Variants in ABCC5 observed in about 807,000 individuals in gnomAD.
ABCC5 encodes ATP binding cassette subfamily C member 5, also known as ATP-binding cassette sub-family C member 5.
ABCC5 carries 61 observed loss-of-function variants against 160.9 expected under a neutral mutation model. The observed-to-expected ratio is 0.38, with a 90% CI of 0.31 to 0.47. ABCC5 has a LOEUF of 0.47. Among genes scored for constraint, ABCC5 ranks in the 20% least tolerant of loss-of-function variants. The probability of loss-of-function intolerance (pLI) is 0.99; values close to 1 mark genes in which losing one functional copy is unlikely to be tolerated. For synonymous variants in ABCC5, 666 were observed against 700.6 expected, an observed-to-expected ratio of 0.95 and a Z score of 0.78; for missense variants, 1,308 against 1,813.3, an observed-to-expected ratio of 0.72 and a Z score of 5.06.
At chr3:183,930,807 T>G (rs140695429) in intron 26 of ABCC5, among the ~76,000 whole-genome samples, 1 of 152,216 alleles carries the variant, frequency 6.6e-6, no homozygotes, top group African/African-American at 2.4e-5. Context: ...AACTGTGAGA[T>G]AGTACATTTC....
chr3:184,017,847 G>GACAACCGCGCCAGCCGCTCAACC lies in ABCC5; in HGVS notation c.-96_-74dup, dbSNP rs1369231518. 1 of 152,544 alleles carries GACAACCGCGCCAGCCGCTCAACC rather than the reference G, an allele frequency of 6.6e-6. No homozygotes were observed. The highest frequency in any genetic ancestry group is 1.5e-5 in the Non-Finnish European group (1 of 68,296). 9.4% of individuals were successfully genotyped at this position (152,544 alleles called of 1,614,324 possible). A position where few individuals can be genotyped will look rare whatever the true frequency, so the allele number is the denominator to read the frequency against. On this transcript the variant is annotated 5_prime_UTR_variant, in exon 1 of 30. It removes the in-frame stop codon of an upstream open reading frame in the 5' UTR. Coordinates refer to ENST00000334444, the MANE Select transcript of ABCC5 (RefSeq NM_005688.4). This position sits in a 1 kb window ranked among gnomAD's most constrained non-coding sequence, Gnocchi z 4.5. The stretch of plus-strand genomic sequence containing the variant: ...TCACCTACCTGCGCCCCTGCTCCAG[G>GACAACCGCGCCAGCCGCTCAACC]ACAACCGCGCCAGCCGCTCAACCAC...
chr3:183,947,622 TCTAA>T, intron 22 of ABCC5, 112 bp from the exon 23 acceptor site: 1 of 875,212 alleles, frequency 1.1e-6, no homozygotes, highest in East Asian at 2.8e-5. Context: ...ACTTCCTGTT[TCTAA>T]CTGAGAGAAT....
chr3:183,970,358 A>C (rs1717623352), intron 11 of ABCC5, among the ~76,000 whole-genome samples: 1 of 151,870 alleles, frequency 6.6e-6, no homozygotes, highest in Admixed American at 6.6e-5. Flanking sequence ...ACTACTTTTT[A>C]AATAAGGCAT....
intron 16 of ABCC5, among the ~76,000 whole-genome samples, chr3:183,960,616 T>C (rs913700685): frequency 6.6e-6 from 1 of 152,142 alleles, no homozygotes; most frequent in Non-Finnish European, 1.5e-5. Flanking sequence ...CCTAGAACAC[T>C]GTGAGTCCCT....
intron 17 of ABCC5, among the ~76,000 whole-genome samples, chr3:183,957,017 T>C (rs1716098097): frequency 6.7e-6 from 1 of 148,388 alleles, no homozygotes; most frequent in Non-Finnish European, 1.5e-5. Context: ...TGCGGATCCG[T>C]GTGTACATCA....
At chr3:183,927,070 A>G (rs1316563362) in intron 28 of ABCC5, among the ~76,000 whole-genome samples, 1 of 152,114 alleles carries the variant, frequency 6.6e-6, no homozygotes, top group East Asian at 1.9e-4. Context: ...TTCTATGTCT[A>G]TGGTTTGCAG....
Position 183,982,689 on chromosome 3 carries a change from G to A in ABCC5, c.826-65C>T. The stretch of plus-strand genomic sequence containing the variant: ...CACGGTTCATTTGTCTCAGGAGGAA[G>A]ATAAAGGATAAGGCAGGGCCCTAGA... On this transcript the variant is annotated intron_variant, in intron 6 of 29. Coordinates refer to ENST00000334444, the MANE Select transcript of ABCC5 (RefSeq NM_005688.4). This position sits in a 1 kb window ranked among gnomAD's most constrained non-coding sequence, Gnocchi z 5.2. 1 of 1,607,972 alleles carries A rather than the reference G, an allele frequency of 6.2e-7. No individual in the cohort carries two copies. The highest frequency in any genetic ancestry group is 8.5e-7 in the Non-Finnish European group (1 of 1,175,158).
At chr3:183,925,480 G>A (rs895221277) in intron 29 of ABCC5, 75 bp downstream of exon 29, 2 of 1,508,584 alleles carry the variant, frequency 1.3e-6, no homozygotes, top group Non-Finnish European at 1.8e-6. Flanking sequence ...TACAAAGATG[G>A]CAATCAGTCC....
At chr3:184,015,978 C>T (rs1406659304) in intron 1 of ABCC5, among the ~76,000 whole-genome samples, 6 of 152,100 alleles carry the variant, frequency 3.9e-5, no homozygotes, top group African/African-American at 1.4e-4. Context: ...GGGGTTGGGG[C>T]GGTGAGCAGT....
At position 183,983,278 on chromosome 3, in the gene ABCC5, G is replaced by T. The variant is rs116549791; in HGVS notation, c.592-271C>A. On this transcript the variant is annotated intron_variant, in intron 5 of 29. Transcript: ENST00000334444. ...TAATGTAACATAAACCTATCAATGA[G>T]CTGAAATTAACTCTAAACACATGGT... Among the ~76,000 whole-genome samples, 415 of 152,304 alleles carry T rather than the reference G, an allele frequency of 2.7e-3. 4 individuals are homozygous for T. The highest frequency in any genetic ancestry group is 9.2e-3 in the African/African-American group (381 of 41,576).
chr3:183,923,256 G>C (rs1712182818), intron 29 of ABCC5, among the ~76,000 whole-genome samples: 1 of 151,802 alleles, frequency 6.6e-6, no homozygotes, highest in African/African-American at 2.4e-5. Flanking sequence ...CCCTCATAAA[G>C]AGTGAATGGG....
intron 2 of ABCC5, among the ~76,000 whole-genome samples, chr3:183,997,332 A>T (rs1720360689): frequency 6.6e-6 from 1 of 152,226 alleles, no homozygotes; most frequent in African/African-American, 2.4e-5. Context: ...CCACATAGGG[A>T]TGAGAGGAAT....
At chr3:184,008,323 T>C (rs1407920580) in intron 2 of ABCC5, among the ~76,000 whole-genome samples, 5 of 152,274 alleles carry the variant, frequency 3.3e-5, no homozygotes, top group Non-Finnish European at 5.9e-5. Flanking sequence ...CATGTGCATA[T>C]ATAAATAGGA....
Position 183,982,847 on chromosome 3 carries a change from C to G in ABCC5, c.752G>C (p.Arg251Pro), listed in dbSNP as rs767886323. The G allele has an allele frequency of 1.2e-6, 2 of 1,614,066 alleles. No homozygotes were observed. The highest frequency in any genetic ancestry group is 1.3e-5 in the African/African-American group (1 of 74,914). ...ALNYRTGVRL[R>P]GAILTMAFKK... ...AAATGCCATGGTTAGGATGGCCCCC[C>G]GCAAGCGGACACCGGTTCGGTAATT... The change falls in exon 6 of 30, where the codon CGG becomes CCG. Residue 251 changes from arginine to proline, a missense_variant. Around this residue, in one of 3 missense-constraint regions of ABCC5, gnomAD observed 1,142 missense variants for 1,527.1 expected, o/e 0.75. Coordinates refer to ENST00000334444, the MANE Select transcript of ABCC5 (RefSeq NM_005688.4). The surrounding 1 kb of genome is among the most constrained non-coding windows in gnomAD (Gnocchi z 5.2).
At chr3:183,939,305 T>C (rs929965468) in intron 25 of ABCC5, among the ~76,000 whole-genome samples, 1 of 152,140 alleles carries the variant, frequency 6.6e-6, no homozygotes, top group Non-Finnish European at 1.5e-5. Flanking sequence ...AGATGGCGAG[T>C]GCCTGTAATC....
Position 183,979,992 on chromosome 3 carries a change from C to T in ABCC5, c.1148-1341G>A, listed in dbSNP as rs533270961. On this transcript the variant is annotated intron_variant, in intron 8 of 29. Transcript: ENST00000334444. ...CTGGGTTCAAGTGATCCTCCTGCCT[C>T]GGCCTCTTGAGTAGCTAGGATTACA... Among the ~76,000 whole-genome samples the T allele has an allele frequency of 2.6e-5, 4 of 152,220 alleles. No individual in the cohort carries two copies. In the South Asian group the frequency reaches 6.2e-4, roughly 24 times the overall value.
chr3:183,927,536 T>C, intron 27 of ABCC5, 93 bp from the exon 28 acceptor site: 2 of 1,503,990 alleles, frequency 1.3e-6, no homozygotes, highest in South Asian at 2.4e-5. Context: ...CTGAAAGCGA[T>C]GAAAGAACTA....
chr3:183,971,228 C>T (rs991552679), intron 11 of ABCC5, among the ~76,000 whole-genome samples: 10 of 152,292 alleles, frequency 6.6e-5, no homozygotes, highest in Admixed American at 1.3e-4. Context: ...TGCACAAGGG[C>T]GCTCACAGAC....
chr3:183,924,304 G>A (rs1027017389), intron 29 of ABCC5, among the ~76,000 whole-genome samples: 5 of 152,158 alleles, frequency 3.3e-5, no homozygotes, highest in Admixed American at 1.3e-4. Context: ...ACAGGCATGA[G>A]CCACCGTGCC....
Sources: gnomAD v4.1 joint callset for allele counts (sites outside exome capture counted in the v4.1 genomes callset) on GRCh38, gnomAD v4.1.1 for gene constraint, gnomAD v4.1.1 regional missense constraint, Gnocchi (gnomAD v3.1) non-coding constraint, MANE v1.5 for transcripts, NCBI Gene and HGNC (gene_info 2026-07-23, HGNC 2026-07-21) for gene names.